Variants in GALNT16 observed in about 807,000 individuals in gnomAD.
GALNT16 encodes the protein polypeptide N-acetylgalactosaminyltransferase 16.
Under a neutral mutation model 76.1 loss-of-function variants are expected in GALNT16, and 40 were observed. That is an observed-to-expected ratio of 0.53 (90% CI 0.41 to 0.68). GALNT16 has a LOEUF of 0.68. Ranked by LOEUF, GALNT16 falls within the 30% of genes least tolerant of loss-of-function variation. The probability of loss-of-function intolerance (pLI) is 0.00; values close to 1 mark genes in which losing one functional copy is unlikely to be tolerated. For missense variants in GALNT16, 621 were observed against 731.9 expected, an observed-to-expected ratio of 0.85 and a Z score of 1.75; for synonymous variants, 276 against 285.2, an observed-to-expected ratio of 0.97 and a Z score of 0.32.
At chr14:69,322,153 C>A (rs2045197318) in intron 2 of GALNT16, among the ~76,000 whole-genome samples, 1 of 152,246 alleles carries the variant, frequency 6.6e-6, no homozygotes, top group Non-Finnish European at 1.5e-5. Context: ...GCACTGTCAG[C>A]CTCCAGAAAC....
chr14:69,274,235 A>G (rs2044442611), intron 1 of GALNT16, among the ~76,000 whole-genome samples: 1 of 152,238 alleles, frequency 6.6e-6, no homozygotes, highest in African/African-American at 2.4e-5. Context: ...TAAATGCTAT[A>G]CAAGCATTAG....
chr14:69,354,641 C>G (rs1368271842), downstream of GALNT16: 1 of 152,402 alleles, frequency 6.6e-6, no homozygotes, highest in Non-Finnish European at 1.5e-5. Flanking sequence ...CCTGTGGTGC[C>G]CCAGGAACTC....
intron 1 of GALNT16, among the ~76,000 whole-genome samples, chr14:69,301,242 A>G (rs1411192286): frequency 2.0e-5 from 3 of 152,212 alleles, no homozygotes; most frequent in Non-Finnish European, 4.4e-5. Flanking sequence ...TCCTGAGGAA[A>G]GAGTCCATAG....
chr14:69,328,665 C>A, intron 6 of GALNT16, 94 bp downstream of exon 6: 1 of 1,361,150 alleles, frequency 7.3e-7, no homozygotes. Flanking sequence ...TGAAGCTGGG[C>A]AGGCATCGTA....
chr14:69,301,751 G>T (rs2044855674), intron 1 of GALNT16, among the ~76,000 whole-genome samples: 1 of 152,166 alleles, frequency 6.6e-6, no homozygotes, highest in Non-Finnish European at 1.5e-5. Flanking sequence ...CACTTTGGGA[G>T]GCCAAGGCAG....
At chr14:69,359,836 CTAA>C (rs2045713455), downstream of GALNT16, among the ~76,000 whole-genome samples, 1 of 151,662 alleles carries the variant, frequency 6.6e-6, no homozygotes, top group African/African-American at 2.4e-5. Flanking sequence ...ACCATCCTGG[CTAA>C]TGTGGTGAAA....
the GALNT16 span, among the ~76,000 whole-genome samples, chr14:69,374,220 A>G: frequency 6.6e-6 from 1 of 152,114 alleles, no homozygotes; most frequent in Non-Finnish European, 1.5e-5. Context: ...CTTAATGTCT[A>G]GCCTAGAGTG....
chr14:69,270,259 C>T (rs1051277708), intron 1 of GALNT16, among the ~76,000 whole-genome samples: 5 of 152,116 alleles, frequency 3.3e-5, no homozygotes, highest in Non-Finnish European at 7.4e-5. Flanking sequence ...AGCTGTTTCT[C>T]GGGCAGGTGG....
At chr14:69,371,605 G>A in the GALNT16 span, among the ~76,000 whole-genome samples, 21 of 151,832 alleles carry the variant, frequency 1.4e-4, no homozygotes, top group African/African-American at 3.1e-4. Flanking sequence ...TAAGTATAAC[G>A]TACATATAGA....
At chr14:69,356,970 C>T (rs902250325), downstream of GALNT16, 5 of 152,156 alleles carry the variant, frequency 3.3e-5, no homozygotes, top group African/African-American at 1.2e-4. Context: ...GCATCTGGCC[C>T]TTTCCAAATG....
In GALNT16 at chr14:69,333,715, G is replaced by C; in HGVS notation, c.967+115G>C. 1 of 632,244 alleles carries C rather than the reference G, an allele frequency of 1.6e-6. No homozygotes were observed. Among genetic ancestry groups the C allele is most frequent in the Admixed American group, 2.8e-5 (1 of 35,510 alleles). 39.2% of individuals were successfully genotyped at this position (632,244 alleles called of 1,614,324 possible). On this transcript the variant is annotated intron_variant, in intron 9 of 14. Transcript: ENST00000448469. This position sits in a 1 kb window ranked among gnomAD's most constrained non-coding sequence, Gnocchi z 4.2. ...GCTCTAAGGACTTTACACACATGAG[G>C]TCATTTAATTCTCTCAAGGACCCTC...
At chr14:69,288,289 C>G (rs2044643061) in intron 1 of GALNT16, among the ~76,000 whole-genome samples, 1 of 152,234 alleles carries the variant, frequency 6.6e-6, no homozygotes. Context: ...CGGCAGGACT[C>G]TTCCCACTAC....
At chr14:69,351,892 C>G in intron 14 of GALNT16, 139 bp from the exon 15 acceptor site, 3 of 761,028 alleles carry the variant, frequency 3.9e-6, no homozygotes, top group Non-Finnish European at 6.2e-6. Context: ...CAAGGTCATG[C>G]CTAAAAAGAA....
At chr14:69,311,646 T>A (rs1312966616) in intron 1 of GALNT16, among the ~76,000 whole-genome samples, 1 of 152,228 alleles carries the variant, frequency 6.6e-6, no homozygotes, top group Non-Finnish European at 1.5e-5. Context: ...CCACAGGTAA[T>A]GTGTTTCTAA....
upstream of GALNT16, chr14:69,260,114 C>G (rs529058627): frequency 1.9e-5 from 10 of 523,804 alleles, no homozygotes; most frequent in African/African-American, 1.6e-4. Context: ...AGGATCGCTC[C>G]GCGATCCTGT....
At position 69,260,461 on chromosome 14, in the gene GALNT16, G is replaced by A. The variant is rs978877370; in HGVS notation, c.171G>A (p.Pro57=). The change falls in exon 1 of 15, where the codon CCG becomes CCA. Residue 57 remains proline (P), a synonymous_variant. Coordinates refer to ENST00000448469, the MANE Select transcript of GALNT16 (RefSeq NM_001168368.2). ...AGCTCCGCGAGGACCGCACCATCCC[G>A]CTCATTGTGAGTACGCCCCGAGCGT... ...SEQLREDRTI[P]LIVTGTPSKG... The A allele has an allele frequency of 5.4e-6, 8 of 1,490,960 alleles. No homozygotes were observed. Among genetic ancestry groups the A allele is most frequent in the Non-Finnish European group, 7.1e-6 (8 of 1,121,508 alleles). The allele number at this position is 1,490,960 out of a possible 1,614,324, so 92.4% of individuals were successfully genotyped here.
intron 1 of GALNT16, among the ~76,000 whole-genome samples, chr14:69,267,998 G>A (rs2044361736): frequency 6.6e-6 from 1 of 152,194 alleles, no homozygotes; most frequent in African/African-American, 2.4e-5. Context: ...AAGAAGGGCT[G>A]TAACCTTTAA....
At position 69,304,761 on chromosome 14, in the gene GALNT16, T is replaced by TGTC. The variant is rs568369557; in HGVS notation, c.178-15949_178-15947dup. Reference sequence around the variant, plus strand: ...GACTGGCTTATTTCACTTGGCATAATGTCCCCAAGGTTCATCTGTGTTGTT... The same window carrying TGTC: ...GACTGGCTTATTTCACTTGGCATAATGTCGTCCCCAAGGTTCATCTGTGTTGTT... On this transcript the variant is annotated intron_variant, in intron 1 of 14. Coordinates refer to ENST00000448469, the MANE Select transcript of GALNT16 (RefSeq NM_001168368.2). Among the ~76,000 whole-genome samples the TGTC allele has an allele frequency of 3.2e-4, 49 of 152,364 alleles. 1 individual carries two copies. The South Asian group carries it at 0.01, about 32-fold the overall frequency.
the GALNT16 span, among the ~76,000 whole-genome samples, chr14:69,363,226 A>G: frequency 6.6e-6 from 1 of 152,116 alleles, no homozygotes; most frequent in South Asian, 2.1e-4. Flanking sequence ...GCCGTAGAGC[A>G]CGCATGGCCT....
Sources: allele counts gnomAD v4.1 joint callset (sites outside exome capture counted in the v4.1 genomes callset), GRCh38; gene constraint gnomAD v4.1.1; non-coding constraint Gnocchi (gnomAD v3.1); transcripts MANE v1.5; gene names NCBI Gene and HGNC (gene_info 2026-07-23, HGNC 2026-07-21).